Variants in SANBR observed in about 807,000 individuals in gnomAD.
SANBR encodes SANT and BTB domain regulator of class switch recombination.
A neutral mutation model predicts 101.8 loss-of-function variants in SANBR; 77 were observed. The ratio of observed to expected loss-of-function variants is 0.76; its 90% confidence interval spans 0.63 to 0.91. The LOEUF (loss-of-function observed/expected upper bound fraction) is 0.91, where lower values mean the gene tolerates loss of function less well. Ranked by LOEUF, SANBR falls within the 40% of genes least tolerant of loss-of-function variation. The pLI is 0.00. For missense variants in SANBR, 875 were observed against 853.0 expected (o/e 1.03, Z -0.32); for synonymous variants, 279 against 274.7 (o/e 1.02, Z -0.15).
At chr2:61,132,633 T>C (rs774241985) in intron 20 of SANBR, among the ~76,000 whole-genome samples, 1 of 152,182 alleles carries the variant, frequency 6.6e-6, no homozygotes, top group South Asian at 2.1e-4. Flanking sequence ...GTTAAACATA[T>C]AGAGTTACCA....
intron 5 of SANBR, among the ~76,000 whole-genome samples, chr2:61,074,137 C>G (rs560616822): frequency 6.6e-6 from 1 of 152,274 alleles, no homozygotes; most frequent in South Asian, 2.1e-4. Context: ...TGTATACTTA[C>G]TTTTCATGGA....
rs1003542560 is a variant in SANBR, at chr2:61,121,253, A to G, written c.2097A>G (p.Gln699=). ...CCTCAGTGCCAGTTAGTGCACGCCAAAGCAGCTCAGAGAAAAACACAAGGT... is the reference window on the plus strand; with the variant it reads ...CCTCAGTGCCAGTTAGTGCACGCCAGAGCAGCTCAGAGAAAAACACAAGGT... ...IKASVPVSAR[Q]SSSEKNTRSK... Residue 699 remains glutamine (Q), a synonymous_variant, in exon 21 of 22, where the codon CAA becomes CAG. Transcript: ENST00000402291. 3.9e-6 allele frequency: 6 copies of G among 1,551,042 alleles called. No homozygotes were observed. The African/African-American group carries it at 8.2e-5, about 21-fold the overall frequency.
At chr2:61,086,151 C>G (rs987586314) in intron 8 of SANBR, among the ~76,000 whole-genome samples, 2 of 151,792 alleles carry the variant, frequency 1.3e-5, no homozygotes, top group African/African-American at 4.8e-5. Context: ...AGATATTTTT[C>G]CTTTTTATTT....
intron 13 of SANBR, 42 bp downstream of exon 13, chr2:61,104,040 C>T (rs1573639774): frequency 1.9e-6 from 3 of 1,563,204 alleles, no homozygotes; most frequent in Non-Finnish European, 2.6e-6. Flanking sequence ...TAGCTTTATT[C>T]AGCAGTTCCC....
intron 21 of SANBR, among the ~76,000 whole-genome samples, chr2:61,136,129 A>C (rs1478960601): frequency 1.3e-5 from 2 of 151,876 alleles, no homozygotes; most frequent in South Asian, 2.1e-4. Context: ...ACATGGTGAA[A>C]CCTGTCTCTA....
chr2:61,118,059 C>A lies in SANBR; in HGVS notation c.1971C>A (p.His657Gln). 6.2e-7 allele frequency: 1 copy of A among 1,613,346 alleles called. No individual in the cohort carries two copies. The highest frequency in any genetic ancestry group is 8.5e-7 in the Non-Finnish European group (1 of 1,179,728). ...GGCGAATGACTGAAATTACAGGGCA[C>A]CTAATAAAAATGAGATTGGGGGATC... is the stretch of plus-strand genomic sequence containing the variant. ...DQRRMTEITGHLIKMRLGDLD... is the reference protein window; with the variant it reads ...DQRRMTEITGQLIKMRLGDLD... Residue 657 changes from histidine (H) to glutamine (Q), a missense_variant, in exon 20 of 22, where the codon CAC becomes CAA. By Grantham distance (24) the His-to-Gln change is conservative (BLOSUM62 0). Transcript: ENST00000402291.
chr2:61,111,615 G>A (rs189082427), intron 16 of SANBR, among the ~76,000 whole-genome samples: 4 of 152,340 alleles, frequency 2.6e-5, no homozygotes, highest in African/African-American at 7.2e-5. Context: ...AAGTGTACAT[G>A]TAGATGAGTT....
At chr2:61,106,108 G>A (rs926151883) in intron 13 of SANBR, among the ~76,000 whole-genome samples, 3 of 152,080 alleles carry the variant, frequency 2.0e-5, no homozygotes, top group Admixed American at 1.3e-4. Flanking sequence ...AAATGTCATC[G>A]TTGGCTGGGC....
chr2:61,114,161 C>T (rs766840901), intron 16 of SANBR, among the ~76,000 whole-genome samples: 26 of 152,168 alleles, frequency 1.7e-4, no homozygotes, highest in Admixed American at 1.3e-4. Context: ...GAATAACTTA[C>T]ACTGACACAG....
In SANBR at chr2:61,073,975, GTTTTGTA is replaced by G. The variant is rs1681622050; in HGVS notation, c.431+426_431+432del. Among the ~76,000 whole-genome samples the G allele has an allele frequency of 1.3e-4, 3 of 23,372 alleles. No homozygotes were observed. In the African/African-American group the frequency reaches 4.8e-3, roughly 37 times the overall value. 15.3% of individuals were successfully genotyped at this position (23,372 alleles called of 152,430 possible). On this transcript the variant is annotated intron_variant, in intron 5 of 21. Transcript: ENST00000402291. ...TTTCAGTGTATTGCAAGTTTTGATA[GTTTTGTA>G]TAGTTTTGTATTGTTTTGCCTATTT...
At chr2:61,094,717 C>T (rs1321821306) in intron 11 of SANBR, among the ~76,000 whole-genome samples, 1 of 140,524 alleles carries the variant, frequency 7.1e-6, no homozygotes, top group African/African-American at 2.7e-5. Context: ...CATCTTGGCT[C>T]ACTGCAACCT....
chr2:61,088,170 G>C lies in SANBR; in HGVS notation c.902G>C (p.Cys301Ser), dbSNP rs1015903698. 3 of 1,598,058 alleles carry C rather than the reference G, an allele frequency of 1.9e-6. No individual in the cohort carries two copies. Among genetic ancestry groups the C allele is most frequent in the Non-Finnish European group, 2.6e-6 (3 of 1,174,676 alleles). The change falls in exon 9 of 22, where the codon TGT (cysteine) becomes TCT (serine). Residue 301 changes from cysteine to serine, a missense_variant. By Grantham distance (112) the Cys-to-Ser change is moderately radical. Coordinates refer to ENST00000402291, the MANE Select transcript of SANBR (RefSeq NM_001129993.3). ...TTTGTTGTTAATAGCAAACTTTTTT[G>C]TAAGAAGATTGAAAGACTGTTTGAT... ...KKDKFKSKLF[C>S]KKIERLFDPE...
At chr2:61,098,129 G>C (rs1446453002) in intron 12 of SANBR, among the ~76,000 whole-genome samples, 1 of 148,630 alleles carries the variant, frequency 6.7e-6, no homozygotes, top group Non-Finnish European at 1.5e-5. Flanking sequence ...TTTGAGATGG[G>C]GTCTCGCTCT....
intron 19 of SANBR, 138 bp downstream of exon 19, chr2:61,117,678 G>C: frequency 1.4e-6 from 1 of 707,312 alleles, no homozygotes. Context: ...ATTCCCTTAG[G>C]CAACAACCAG....
In SANBR at chr2:61,071,600, T is replaced by C; in HGVS notation, c.151-6T>C. On this transcript the variant is annotated splice_polypyrimidine_tract_variant and splice_region_variant and intron_variant, in intron 3 of 21. Coordinates refer to ENST00000402291, the MANE Select transcript of SANBR (RefSeq NM_001129993.3). ...CCTCTGTTTCTTTCATTTTATATTATGACAGTGTGCAAAAAGGTTTGATGA... is the reference window on the plus strand; with the variant it reads ...CCTCTGTTTCTTTCATTTTATATTACGACAGTGTGCAAAAAGGTTTGATGA... The C allele has an allele frequency of 6.5e-7, 1 of 1,530,638 alleles. No individual in the cohort carries two copies. The highest frequency in any genetic ancestry group is 8.7e-7 in the Non-Finnish European group (1 of 1,144,170). The allele number at this position is 1,530,638 out of a possible 1,614,324, so 94.8% of individuals were successfully genotyped here. A position where few individuals can be genotyped will look rare whatever the true frequency, so the allele number is the denominator to read the frequency against.
chr2:61,088,198 T>C lies in SANBR; in HGVS notation c.930T>C (p.Pro310=), dbSNP rs752714317. 9.9e-6 allele frequency: 16 copies of C among 1,608,044 alleles called. No homozygotes were observed. The Admixed American group carries it at 1.2e-4, about 12-fold the overall frequency. ...AGAAGATTGAAAGACTGTTTGATCC[T>C]GAGTACTTGAATCCAGATTCTCGGA... is the stretch of plus-strand genomic sequence containing the variant. ...FCKKIERLFD[P]EYLNPDSRSN... Residue 310 remains proline, a synonymous_variant, in exon 9 of 22, where the codon CCT becomes CCC. Coordinates refer to ENST00000402291, the MANE Select transcript of SANBR (RefSeq NM_001129993.3).
chr2:61,114,825 T>C (rs1573659089), intron 16 of SANBR, among the ~76,000 whole-genome samples: 1 of 152,126 alleles, frequency 6.6e-6, no homozygotes, highest in African/African-American at 2.4e-5. Flanking sequence ...CCAGCTAATC[T>C]TTAAGATTTT....
At position 61,072,821 on chromosome 2, in the gene SANBR, C is replaced by CTTTTTTTTTTTT. The variant is rs70959893; in HGVS notation, c.338-619_338-608dup. Among the ~76,000 whole-genome samples, 105 of 31,650 alleles carry CTTTTTTTTTTTT rather than the reference C, an allele frequency of 3.3e-3. 15 individuals carry two copies. The highest frequency in any genetic ancestry group is 4.3e-3 in the African/African-American group (32 of 7,454). The allele number at this position is 31,650 out of a possible 152,430, so 20.8% of individuals were successfully genotyped here. A position where few individuals can be genotyped will look rare whatever the true frequency, so the allele number is the denominator to read the frequency against. ...AGACTCTTGCTTGTCTCTCATGTTA[C>CTTTTTTTTTTTT]TTTTTTTTTTTTTTTTTTTTTTTTT... On this transcript the variant is annotated intron_variant, in intron 4 of 21. Coordinates refer to ENST00000402291, the MANE Select transcript of SANBR (RefSeq NM_001129993.3).
intron 11 of SANBR, among the ~76,000 whole-genome samples, chr2:61,093,856 G>C (rs545454442): frequency 1.0e-3 from 159 of 152,312 alleles, no homozygotes; most frequent in African/African-American, 3.7e-3. Context: ...AAGAAAACTT[G>C]CTACTTGTAG....
Sources: gnomAD v4.1 joint callset for allele counts (sites outside exome capture counted in the v4.1 genomes callset) on GRCh38, gnomAD v4.1.1 for gene constraint, MANE v1.5 for transcripts, NCBI Gene and HGNC (gene_info 2026-07-23, HGNC 2026-07-21) for gene names.